Variants in CCHCR1 observed in about 807,000 individuals in gnomAD.
CCHCR1 encodes HCR (a-helix coiled-coil rod homologue).
In CCHCR1, 91 loss-of-function variants were observed where a neutral mutation model predicts 114.6. That is an observed-to-expected ratio of 0.79 (90% CI 0.67 to 0.94). The LOEUF is 0.94. Among genes scored for constraint, CCHCR1 ranks in the 40% least tolerant of loss-of-function variants. The pLI is 0.00. For missense variants in CCHCR1, 899 were observed against 1,079.9 expected, an observed-to-expected ratio of 0.83 and a Z score of 2.35; for synonymous variants, 379 against 428.5, an observed-to-expected ratio of 0.88 and a Z score of 1.43.
Position 31,148,471 on chromosome 6 carries a change from C to T in CCHCR1, c.1514G>A (p.Arg505His), listed in dbSNP as rs751178201. The change falls in exon 10 of 18, where the codon CGT (arginine) becomes CAT (histidine). Residue 505 changes from arginine (R) to histidine (H), a missense_variant. Physicochemically the swap from Arg to His is conservative, Grantham distance 29 (BLOSUM62 0). Transcript: ENST00000396268. ...LELSRAQEAR[R>H]RWQQQTASAE... ...TGAGGCTGTCTGCTGCTGCCACCGA[C>T]GCCTGGCCTCCTGAGCACGGCTCAG... The T allele has an allele frequency of 4.7e-5, 75 of 1,612,770 alleles. 1 individual carries two copies. The highest frequency in any genetic ancestry group is 5.0e-5 in the Admixed American group (3 of 59,994).
intron 8 of CCHCR1, 118 bp from the exon 9 acceptor site, chr6:31,148,846 A>AGGGG: frequency 2.5e-4 from 1 of 3,932 alleles, no homozygotes; most frequent in Non-Finnish European, 5.0e-4. Flanking sequence ...GGCTGGGGGG[A>AGGGG]GGGGGGGCGG....
At position 31,157,191 on chromosome 6, in the gene CCHCR1, C is replaced by T. The variant is rs116708364; in HGVS notation, c.217-102G>A. 5.5e-5 allele frequency: 60 copies of T among 1,086,080 alleles called. No homozygotes were observed. The African/African-American group carries it at 6.8e-4, about 12-fold the overall frequency. 67.3% of individuals were successfully genotyped at this position (1,086,080 alleles called of 1,614,324 possible). On this transcript the variant is annotated intron_variant, in intron 1 of 17. Transcript: ENST00000396268. ...AAAGTCATAATCCTTGAATTATAGC[C>T]AGGTCCACCCGATGCTTAGCTCTTT...
chr6:31,151,044 T>C lies in CCHCR1; in HGVS notation c.880A>G (p.Ser294Gly). Residue 294 changes from serine to glycine, a missense_variant, in exon 5 of 18, where the codon AGT becomes GGT. Coordinates refer to ENST00000396268, the MANE Select transcript of CCHCR1 (RefSeq NM_001105564.2). This position sits in a 1 kb window ranked among gnomAD's most constrained non-coding sequence, Gnocchi z 4.1. Reference protein sequence around the residue: ...SKAEGLEKSLSSLETRRAGEA... With the variant: ...SKAEGLEKSLGSLETRRAGEA... ...CCTGCTCTTCTGGTTTCCAGACTAC[T>C]CAGAGACTTCTCCAAGCCCTCAGCC... 1 of 1,613,072 alleles carries C rather than the reference T, an allele frequency of 6.2e-7. No homozygotes were observed. Among genetic ancestry groups the C allele is most frequent in the Non-Finnish European group, 8.5e-7 (1 of 1,180,024 alleles).
At position 31,143,009 on chromosome 6, in the gene CCHCR1, T is replaced by A. The variant is rs12364; in HGVS notation, c.2445A>T (p.Ala815=). 261,912 of 1,612,834 alleles carry A rather than the reference T, an allele frequency of 0.16. 21,926 individuals carry two copies. Among genetic ancestry groups the A allele is most frequent in the Middle Eastern group, 0.18 (1,066 of 6,046 alleles). The part of the protein sequence containing the change: ...VSSPRPPECS[A]SAPVAAAVPT... The stretch of plus-strand genomic sequence containing the variant: ...GCACTGCTGCTGCTACAGGTGCAGA[T>A]GCTGAACACTCTGGAGGCCTGGGGC... The change falls in exon 17 of 18, where the codon GCA becomes GCT. Residue 815 remains alanine (A), a synonymous_variant. Coordinates refer to ENST00000396268, the MANE Select transcript of CCHCR1 (RefSeq NM_001105564.2). The surrounding 1 kb of genome is among the most constrained non-coding windows in gnomAD (Gnocchi z 5.3).
rs776686704 is a variant in CCHCR1, at chr6:31,145,691, C to T, written c.1693+5G>A. On this transcript the variant is annotated splice_donor_5th_base_variant and intron_variant, in intron 11 of 17. Transcript: ENST00000396268. ...CAGGACGTGGCTCGCAGTTGTCCTACGCACCCCGAATGGTGTGGACCTTGC... is the reference window on the plus strand; with the variant it reads ...CAGGACGTGGCTCGCAGTTGTCCTATGCACCCCGAATGGTGTGGACCTTGC... The T allele has an allele frequency of 2.5e-6, 4 of 1,607,846 alleles. No homozygotes were observed. The highest frequency in any genetic ancestry group is 2.2e-5 in the East Asian group (1 of 44,828).
In CCHCR1 at chr6:31,157,511, C is replaced by A; in HGVS notation, c.90G>T (p.Gly30=). 1.9e-6 allele frequency: 3 copies of A among 1,613,002 alleles called. No individual in the cohort carries two copies. The highest frequency in any genetic ancestry group is 2.5e-6 in the Non-Finnish European group (3 of 1,180,004). Residue 30 remains glycine, a synonymous_variant, in exon 1 of 18, where the codon GGG becomes GGT. Coordinates refer to ENST00000396268, the MANE Select transcript of CCHCR1 (RefSeq NM_001105564.2). ...PRVMACWCLD[G]LPSGLAEPWR... ...ATGGCTCAGCAAGGCCTGAGGGAAG[C>A]CCATCCAGACACCAGCAGGCCATGA...
intron 8 of CCHCR1, chr6:31,149,151 CAAAAAAA>C (rs3064836): frequency 0.08 from 9,682 of 120,700 alleles, 453 homozygotes; most frequent in African/African-American, 0.15. Context: ...GACTCCTTCT[CAAAAAAA>C]AAAAAAAAAA....
chr6:31,146,727 G>C (rs953676422), intron 10 of CCHCR1, among the ~76,000 whole-genome samples: 1 of 152,158 alleles, frequency 6.6e-6, no homozygotes, highest in African/African-American at 2.4e-5. Flanking sequence ...GCAACAATCA[G>C]AGTTTGGACT....
In CCHCR1 at chr6:31,150,273, T is replaced by G; in HGVS notation, c.1213-58A>C. ...CTCCTGGGGGAGGAGAGGAAGGAGGTGGCATCTTTGTTTCTCCTCTGTCCT... is the reference window on the plus strand; with the variant it reads ...CTCCTGGGGGAGGAGAGGAAGGAGGGGGCATCTTTGTTTCTCCTCTGTCCT... On this transcript the variant is annotated intron_variant, in intron 7 of 17. Transcript: ENST00000396268. The surrounding 1 kb of genome is among the most constrained non-coding windows in gnomAD (Gnocchi z 5.3). The G allele has an allele frequency of 6.4e-7, 1 of 1,571,258 alleles. No homozygotes were observed. Among genetic ancestry groups the G allele is most frequent in the Non-Finnish European group, 8.7e-7 (1 of 1,146,096 alleles).
intron 17 of CCHCR1, 21 bp downstream of exon 17, chr6:31,142,942 C>T: frequency 6.2e-7 from 1 of 1,608,470 alleles, no homozygotes; most frequent in Non-Finnish European, 8.5e-7. Context: ...GTCCCTTGTC[C>T]CTTTGTGCTT....
At position 31,151,023 on chromosome 6, in the gene CCHCR1, C is replaced by T. The variant is rs757211080; in HGVS notation, c.901G>A (p.Ala301Thr). 6.2e-7 allele frequency: 1 copy of T among 1,613,102 alleles called. No individual in the cohort carries two copies. Among genetic ancestry groups the T allele is most frequent in the Non-Finnish European group, 8.5e-7 (1 of 1,180,032 alleles). The change falls in exon 5 of 18, where the codon GCA becomes ACA. Residue 301 changes from alanine to threonine, a missense_variant. By Grantham distance (58) the Ala-to-Thr change is moderately conservative (BLOSUM62 0). Coordinates refer to ENST00000396268, the MANE Select transcript of CCHCR1 (RefSeq NM_001105564.2). The surrounding 1 kb of genome is among the most constrained non-coding windows in gnomAD (Gnocchi z 4.1). Reference protein sequence around the residue: ...KSLSSLETRRAGEAKELAEAQ... With the variant: ...KSLSSLETRRTGEAKELAEAQ... ...TCGGCCAGCTCCTTGGCTTCCCCTGCTCTTCTGGTTTCCAGACTACTCAGA... is the reference window on the plus strand; with the variant it reads ...TCGGCCAGCTCCTTGGCTTCCCCTGTTCTTCTGGTTTCCAGACTACTCAGA...
chr6:31,152,217 G>T (rs545578923), intron 4 of CCHCR1, among the ~76,000 whole-genome samples: 1 of 145,544 alleles, frequency 6.9e-6, no homozygotes, highest in African/African-American at 2.5e-5. Context: ...GGGAGGCGGA[G>T]CTGGCAGTGA....
Position 31,144,539 on chromosome 6 carries a change from C to T in CCHCR1, c.2167+148G>A, listed in dbSNP as rs1774021749. ...GGTGCTGGCTACATGGGTGTGTTCA[C>T]GATGTGATAATTCATCTGTGCTACT... On this transcript the variant is annotated intron_variant, in intron 15 of 17. Coordinates refer to ENST00000396268, the MANE Select transcript of CCHCR1 (RefSeq NM_001105564.2). This position sits in a 1 kb window ranked among gnomAD's most constrained non-coding sequence, Gnocchi z 4.6. The T allele has an allele frequency of 1.4e-5, 9 of 654,756 alleles. No homozygotes were observed. Among genetic ancestry groups the T allele is most frequent in the African/African-American group, 3.6e-5 (2 of 55,622 alleles). The allele number at this position is 654,756 out of a possible 1,614,324, so 40.6% of individuals were successfully genotyped here.
chr6:31,157,536 ACT>A lies in CCHCR1; in HGVS notation c.63_64del (p.Arg21SerfsTer16), dbSNP rs1417318329. On this transcript the variant is annotated frameshift_variant, in exon 1 of 18. Coordinates refer to ENST00000396268, the MANE Select transcript of CCHCR1 (RefSeq NM_001105564.2). LOFTEE classifies it high-confidence loss of function. ...CCCATCCAGACACCAGCAGGCCATG[ACT>A]CTTGGGTCCTTCCCTGTTAAAGTGC... The A allele has an allele frequency of 2.5e-6, 4 of 1,612,784 alleles. No individual in the cohort carries two copies. The South Asian group carries it at 4.4e-5, about 18-fold the overall frequency.
In CCHCR1 at chr6:31,151,165, T is replaced by A. The variant is rs2517985; in HGVS notation, c.802-43A>T. 45 of 1,580,954 alleles carry A rather than the reference T, an allele frequency of 2.8e-5. No homozygotes were observed. The highest frequency in any genetic ancestry group is 3.9e-5 in the Non-Finnish European group (45 of 1,165,192). On this transcript the variant is annotated intron_variant, in intron 4 of 17. Coordinates refer to ENST00000396268, the MANE Select transcript of CCHCR1 (RefSeq NM_001105564.2). This position sits in a 1 kb window ranked among gnomAD's most constrained non-coding sequence, Gnocchi z 4.1. ...GGCTCAGCAGAGGCTCGACCCCACA[T>A]GGAGGCCTTCCTTGTTCCCTTCACT...
At position 31,150,569 on chromosome 6, in the gene CCHCR1, C is replaced by T. The variant is rs1036175474; in HGVS notation, c.1102-4G>A. ...TGTCCCGGTCCTCCTGCAAGTGCTG[C>T]GGGCAGAGGAAAGCAGCCCCTCTGT... On this transcript the variant is annotated splice_polypyrimidine_tract_variant and splice_region_variant and intron_variant, in intron 6 of 17. Transcript: ENST00000396268. The surrounding 1 kb of genome is among the most constrained non-coding windows in gnomAD (Gnocchi z 5.3). 9 of 1,609,074 alleles carry T rather than the reference C, an allele frequency of 5.6e-6. No homozygotes were observed. The highest frequency in any genetic ancestry group is 5.3e-5 in the African/African-American group (4 of 74,880).
intron 4 of CCHCR1, among the ~76,000 whole-genome samples, chr6:31,152,334 AT>A (rs975404428): frequency 4.0e-5 from 6 of 150,954 alleles, no homozygotes; most frequent in East Asian, 1.9e-4. Flanking sequence ...TGAAAAAACA[AT>A]TTTTTTTTGT....
In CCHCR1 at chr6:31,157,622, GACC is replaced by G; in HGVS notation, c.-25_-23del. 2.5e-6 allele frequency: 4 copies of G among 1,589,760 alleles called. No individual in the cohort carries two copies. Among genetic ancestry groups the G allele is most frequent in the Non-Finnish European group, 3.4e-6 (4 of 1,166,922 alleles). On this transcript the variant is annotated 5_prime_UTR_variant, in exon 1 of 18. Coordinates refer to ENST00000396268, the MANE Select transcript of CCHCR1 (RefSeq NM_001105564.2). ...ACATGCAGGGCTAGACCCTCCCCAA[GACC>G]TTGGGAATCCAGGCCGCCTAGATCC...
chr6:31,143,297 A>G lies in CCHCR1; in HGVS notation c.2284T>C (p.Leu762=). 1 of 1,612,794 alleles carries G rather than the reference A, an allele frequency of 6.2e-7. No individual in the cohort carries two copies. Among genetic ancestry groups the G allele is most frequent in the Non-Finnish European group, 8.5e-7 (1 of 1,180,006 alleles). ...TTCTTATCCCTCTCTAGCTCCTGCA[A>G]GCGCCGGGCCAGTCGCTGCCCCTCC... ...KEEGQRLARR[L]QELERDKNLM... The change falls in exon 16 of 18, where the codon TTG becomes CTG. Residue 762 remains leucine (L), a synonymous_variant. Coordinates refer to ENST00000396268, the MANE Select transcript of CCHCR1 (RefSeq NM_001105564.2). The surrounding 1 kb of genome is among the most constrained non-coding windows in gnomAD (Gnocchi z 5.3).
Sources: gnomAD v4.1 joint callset for allele counts (sites outside exome capture counted in the v4.1 genomes callset) on GRCh38, gnomAD v4.1.1 for gene constraint, Gnocchi (gnomAD v3.1) non-coding constraint, MANE v1.5 for transcripts, NCBI Gene and HGNC (gene_info 2026-07-23, HGNC 2026-07-21) for gene names.